The following ADNP variants were observed in gnomAD, a reference collection of about 807,000 sequenced individuals.
ADNP encodes activity-dependent neuroprotector homeobox protein.
ADNP carries 4 observed loss-of-function variants against 84.9 expected under a neutral mutation model. The ratio of observed to expected loss-of-function variants is 0.05; its 90% CI spans 0.02 to 0.11. The LOEUF (loss-of-function observed/expected upper bound fraction) is 0.11. Among genes scored for constraint, ADNP ranks in the 10% least tolerant of loss-of-function variants. The pLI is 1.00. For synonymous variants in ADNP, 554 were observed against 468.1 expected, an observed-to-expected ratio of 1.18 and a Z score of -2.37; for missense variants, 1,132 against 1,326.0, an observed-to-expected ratio of 0.85 and a Z score of 2.27.
At chr20:50,904,109 T>G (rs889765604) in intron 3 of ADNP, 108 bp from the exon 4 acceptor site, 1 of 776,352 alleles carries the variant, frequency 1.3e-6, no homozygotes, top group Non-Finnish European at 2.1e-6. Context: ...ACAAAAAAGG[T>G]GCATAGATAT....
chr20:50,925,008 TGA>T (rs1395892336), intron 2 of ADNP, among the ~76,000 whole-genome samples: 8 of 152,194 alleles, frequency 5.3e-5, no homozygotes, highest in African/African-American at 1.9e-4. Flanking sequence ...CTGAAATTCT[TGA>T]GAGGTTCCAG....
chr20:50,890,161 A>AAAAAAAC lies in ADNP; in HGVS notation c.*1243_*1244insGTTTTTT, dbSNP rs71192505. 14 of 181,184 alleles carry AAAAAAAC rather than the reference A, an allele frequency of 7.7e-5. No individual in the cohort carries two copies. Among genetic ancestry groups the AAAAAAAC allele is most frequent in the Middle Eastern group, 1.7e-3 (1 of 606 alleles). The allele number at this position is 181,184 out of a possible 1,614,324, so 11.2% of individuals were successfully genotyped here. ...AAAAAAAAAAAAAAAAAAAAAAAAA[A>AAAAAAAC]GAAAAACAGATTTTGTACCAGGTGC... On this transcript the variant is annotated 3_prime_UTR_variant, in exon 6 of 6. Coordinates refer to ENST00000621696, the MANE Select transcript of ADNP (RefSeq NM_001282531.3).
At chr20:50,903,134 T>C (rs547883378) in intron 4 of ADNP, among the ~76,000 whole-genome samples, 3 of 152,160 alleles carry the variant, frequency 2.0e-5, no homozygotes, top group African/African-American at 4.8e-5. Context: ...ACAAGGTAGC[T>C]ATGTTCCCTA....
In ADNP at chr20:50,893,603, G is replaced by C. The variant is rs778671994; in HGVS notation, c.1111C>G (p.Pro371Ala). ...QQSQSVKQLL[P>A]SGNGRSYGLG... is the part of the protein sequence containing the mutation. ...CCATAAGACCTTCCGTTTCCACTTG[G>C]AAGTAACTGCTTTACAGACTGAGAT... The change falls in exon 6 of 6, where the codon CCA becomes GCA. Residue 371 changes from proline to alanine, a missense_variant. Pro to Ala is a conservative substitution (Grantham distance 27, BLOSUM62 -1). Transcript: ENST00000621696. This position sits in a 1 kb window ranked among gnomAD's most constrained non-coding sequence, Gnocchi z 4.4. The C allele has an allele frequency of 6.2e-7, 1 of 1,614,090 alleles. No homozygotes were observed. Among genetic ancestry groups the C allele is most frequent in the South Asian group, 1.1e-5 (1 of 91,078 alleles).
chr20:50,908,708 A>T (rs1385834914), intron 2 of ADNP, among the ~76,000 whole-genome samples: 1 of 152,080 alleles, frequency 6.6e-6, no homozygotes, highest in Admixed American at 6.5e-5. Flanking sequence ...CAGGAGGCAG[A>T]GCTTGCAGTG....
At chr20:50,924,375 G>A (rs965990253) in intron 2 of ADNP, among the ~76,000 whole-genome samples, 6 of 152,162 alleles carry the variant, frequency 3.9e-5, no homozygotes, top group Admixed American at 2.0e-4. Context: ...GAATCCTTGG[G>A]TTTAAGCTCA....
At chr20:50,919,291 G>GTATATATATATA (rs199569280) in intron 2 of ADNP, among the ~76,000 whole-genome samples, 5 of 77,208 alleles carry the variant, frequency 6.5e-5, no homozygotes, top group African/African-American at 2.4e-4. Context: ...ATATTTAAGT[G>GTATATATATATA]TATATATATA....
intron 2 of ADNP, among the ~76,000 whole-genome samples, chr20:50,917,168 A>T (rs897614821): frequency 1.3e-5 from 2 of 152,238 alleles, no homozygotes; most frequent in Non-Finnish European, 2.9e-5. Context: ...GGCATTCACT[A>T]AAAACAAACA....
intron 1 of ADNP, 59 bp from the exon 2 acceptor site, chr20:50,928,884 G>T (rs1383603396): frequency 6.6e-6 from 1 of 152,234 alleles, no homozygotes; most frequent in South Asian, 2.1e-4. Flanking sequence ...AAGAAGGTGG[G>T]TGCTCACAGA....
chr20:50,912,014 T>G (rs999719806), intron 2 of ADNP, among the ~76,000 whole-genome samples: 3 of 152,142 alleles, frequency 2.0e-5, no homozygotes, highest in African/African-American at 7.2e-5. Flanking sequence ...TGATGACTAA[T>G]GTATCAGTTA....
rs1277567471 is a variant in ADNP, at chr20:50,892,463, C to T, written c.2251G>A (p.Val751Ile). The T allele has an allele frequency of 6.2e-7, 1 of 1,614,004 alleles. No individual in the cohort carries two copies. Among genetic ancestry groups the T allele is most frequent in the Non-Finnish European group, 8.5e-7 (1 of 1,180,028 alleles). The change falls in exon 6 of 6, where the codon GTT becomes ATT. Residue 751 changes from valine to isoleucine, a missense_variant. By Grantham distance (29) the Val-to-Ile change is conservative (BLOSUM62 3). Transcript: ENST00000621696. ...FFEEKPEEPVVLALDPKGHED... is the reference protein window; with the variant it reads ...FFEEKPEEPVILALDPKGHED... ...TGACCCTTGGGGTCTAAAGCTAAAA[C>T]AACAGGCTCTTCAGGCTTCTCTTCA...
chr20:50,912,938 G>A (rs994842529), intron 2 of ADNP, among the ~76,000 whole-genome samples: 2 of 152,056 alleles, frequency 1.3e-5, no homozygotes, highest in African/African-American at 4.8e-5. Flanking sequence ...TAGGAATGAC[G>A]CTATTACTAG....
intron 2 of ADNP, among the ~76,000 whole-genome samples, chr20:50,920,460 A>ATCCCAGCTAC (rs1350396356): frequency 6.6e-6 from 1 of 151,222 alleles, no homozygotes; most frequent in African/African-American, 2.4e-5. Flanking sequence ...AGCGCCTGTA[A>ATCCCAGCTAC]TCCCAGCTAC....
At chr20:50,905,483 A>G (rs973378027) in intron 2 of ADNP, 2 of 152,190 alleles carry the variant, frequency 1.3e-5, no homozygotes, top group Non-Finnish European at 2.9e-5. Context: ...TTCTAATCCA[A>G]AATCAACGTT....
chr20:50,903,832 A>G, intron 4 of ADNP, 57 bp downstream of exon 4: 2 of 1,358,206 alleles, frequency 1.5e-6, no homozygotes, highest in Non-Finnish European at 2.1e-6. Context: ...CCACTGACAC[A>G]AAGTAATGGA....
rs1980827738 is a variant in ADNP at position 50,892,101 on chromosome 20, T to C, written c.2613A>G (p.Glu871=). The change falls in exon 6 of 6, where the codon GAA becomes GAG. Residue 871 remains glutamate, a synonymous_variant. Transcript: ENST00000621696. ...TADKKLNLGK[E]DDSSSDSFEN... is the part of the protein sequence containing the mutation. ...CAAAACTGTCTGAGGAACTGTCATC[T>C]TCCTTCCCAAGGTTGAGCTTTTTGT... The C allele has an allele frequency of 6.2e-7, 1 of 1,614,200 alleles. No individual in the cohort carries two copies. Among genetic ancestry groups the C allele is most frequent in the Non-Finnish European group, 8.5e-7 (1 of 1,180,040 alleles).
chr20:50,895,551 TAAAAAA>T (rs894309118), intron 5 of ADNP, among the ~76,000 whole-genome samples: 22 of 150,778 alleles, frequency 1.5e-4, no homozygotes, highest in Non-Finnish European at 3.0e-4. Context: ...CAAGTTTTAC[TAAAAAA>T]AAAATTTTGA....
At chr20:50,923,584 C>A (rs1288141722) in intron 2 of ADNP, among the ~76,000 whole-genome samples, 1 of 152,126 alleles carries the variant, frequency 6.6e-6, no homozygotes, top group Non-Finnish European at 1.5e-5. Context: ...GTGGTGCCAT[C>A]TTGGCTCACT....
intron 2 of ADNP, among the ~76,000 whole-genome samples, chr20:50,925,753 G>C (rs1025391093): frequency 3.3e-5 from 5 of 152,214 alleles, no homozygotes; most frequent in Non-Finnish European, 7.3e-5. Flanking sequence ...CTGGCAGTGA[G>C]GTACATCAGC....
Sources: gnomAD v4.1 joint callset for allele counts (sites outside exome capture counted in the v4.1 genomes callset) on GRCh38, gnomAD v4.1.1 for gene constraint, Gnocchi (gnomAD v3.1) non-coding constraint, MANE v1.5 for transcripts, NCBI Gene and HGNC (gene_info 2026-07-23, HGNC 2026-07-21) for gene names.